The following NT5DC3 variants were observed in gnomAD, a reference collection of about 807,000 sequenced individuals.
NT5DC3 encodes 5'-nucleotidase domain-containing protein 3.
NT5DC3 carries 42 observed loss-of-function variants against 67.8 expected under a neutral mutation model. The observed-to-expected ratio is 0.62, with a 90% CI of 0.48 to 0.80. The LOEUF is 0.80. NT5DC3 is among the 30% of genes least tolerant of loss of function. NT5DC3 has a pLI of 0.00. For synonymous variants in NT5DC3, 237 were observed against 255.6 expected (o/e 0.93, Z 0.69); for missense variants, 570 against 696.4 (o/e 0.82, Z 2.04).
chr12:103,831,525 GC>G (rs563976934), intron 1 of NT5DC3, among the ~76,000 whole-genome samples: 2 of 151,920 alleles, frequency 1.3e-5, no homozygotes, highest in Non-Finnish European at 2.9e-5. Context: ...TCCAAAACCT[GC>G]CCCCCCACAC....
intron 1 of NT5DC3, among the ~76,000 whole-genome samples, chr12:103,828,761 G>T (rs1887803206): frequency 6.8e-6 from 1 of 146,730 alleles, no homozygotes; most frequent in Non-Finnish European, 1.5e-5. Context: ...GCAGTGGTGT[G>T]ATCTCAGCTC....
In NT5DC3 at chr12:103,785,751, TAAAAAAAAAAA is replaced by T. The variant is rs201632707; in HGVS notation, c.1189-287_1189-277del. 5.3e-3 allele frequency: 1,955 copies of T among 365,688 alleles called. 3 individuals carry two copies. The highest frequency in any genetic ancestry group is 9.7e-3 in the Admixed American group (268 of 27,584). 22.7% of individuals were successfully genotyped at this position (365,688 alleles called of 1,614,324 possible). A position where few individuals can be genotyped will look rare whatever the true frequency, so the allele number is the denominator to read the frequency against. On this transcript the variant is annotated intron_variant, in intron 11 of 13. Coordinates refer to ENST00000392876, the MANE Select transcript of NT5DC3 (RefSeq NM_001031701.3). Reference sequence around the variant, plus strand: ...GTCTGGAATCATTAACCATGGTCTGTAAAAAAAAAAAAAAAAAAAAAAAAAAAAATGAGGTC... The same window carrying T: ...GTCTGGAATCATTAACCATGGTCTGTAAAAAAAAAAAAAAAAAATGAGGTC...
At chr12:103,813,436 C>G (rs140073266) in intron 2 of NT5DC3, among the ~76,000 whole-genome samples, 8 of 152,218 alleles carry the variant, frequency 5.3e-5, no homozygotes, top group Non-Finnish European at 1.2e-4. Flanking sequence ...GGCATAGTGG[C>G]AGAAGGGAAG....
At chr12:103,751,776 T>A in the NT5DC3 span, among the ~76,000 whole-genome samples, 2 of 152,080 alleles carry the variant, frequency 1.3e-5, no homozygotes, top group East Asian at 3.9e-4. Flanking sequence ...GACCATAGAG[T>A]GTGGTCCAGC....
At chr12:103,804,248 T>C (rs543156487) in intron 4 of NT5DC3, among the ~76,000 whole-genome samples, 24 of 152,224 alleles carry the variant, frequency 1.6e-4, no homozygotes, top group African/African-American at 5.3e-4. Context: ...AAGACATCAA[T>C]AGACAAGACA....
intron 1 of NT5DC3, among the ~76,000 whole-genome samples, chr12:103,823,034 A>G (rs1277178429): frequency 6.6e-6 from 1 of 152,146 alleles, no homozygotes; most frequent in Non-Finnish European, 1.5e-5. Flanking sequence ...TTAAAAGTTC[A>G]ATTGTATTGA....
At chr12:103,821,518 C>T (rs1417680874) in intron 1 of NT5DC3, among the ~76,000 whole-genome samples, 1 of 152,144 alleles carries the variant, frequency 6.6e-6, no homozygotes, top group Non-Finnish European at 1.5e-5. Context: ...TCTCTACAGC[C>T]AAAGTGAACC....
chr12:103,806,565 T>G (rs1042847102), intron 3 of NT5DC3, among the ~76,000 whole-genome samples, 188 bp from the exon 4 acceptor site: 19 of 152,174 alleles, frequency 1.2e-4, no homozygotes, highest in African/African-American at 4.3e-4. Context: ...ATGGCCTATC[T>G]GCAAAAGACA....
chr12:103,827,068 AC>A (rs1408691381), intron 1 of NT5DC3, among the ~76,000 whole-genome samples: 1 of 152,152 alleles, frequency 6.6e-6, no homozygotes, highest in Non-Finnish European at 1.5e-5. Flanking sequence ...ACATGGTGAA[AC>A]CCTGTCTCTA....
intron 4 of NT5DC3, among the ~76,000 whole-genome samples, chr12:103,800,915 G>A (rs1266019028): frequency 6.6e-6 from 1 of 152,142 alleles, no homozygotes; most frequent in Admixed American, 6.5e-5. Flanking sequence ...CCTATTTCCT[G>A]ATGTCACTGA....
At chr12:103,782,940 C>T (rs1331036930) in intron 12 of NT5DC3, among the ~76,000 whole-genome samples, 1 of 151,940 alleles carries the variant, frequency 6.6e-6, no homozygotes, top group African/African-American at 2.4e-5. Flanking sequence ...GAGCCAAGAT[C>T]GCGCCACTGC....
chr12:103,746,526 A>C, the NT5DC3 span: 3 of 1,450,542 alleles, frequency 2.1e-6, no homozygotes, highest in Non-Finnish European at 9.7e-7. Flanking sequence ...AGAGTCTTGG[A>C]AAGTCTCCTT....
the NT5DC3 span, among the ~76,000 whole-genome samples, chr12:103,761,003 C>CTGCT: frequency 4.1e-5 from 2 of 48,822 alleles, no homozygotes; most frequent in East Asian, 1.2e-3. Flanking sequence ...ATGGGGTTTG[C>CTGCT]TACTTCCTGG....
Position 103,797,165 on chromosome 12 carries a change from T to C in NT5DC3, c.616-134A>G, listed in dbSNP as rs571222591. On this transcript the variant is annotated intron_variant, in intron 5 of 13. Transcript: ENST00000392876. ...CATCATCAACACAAAAAAGGAAAGT[T>C]CTAATAATAAAAAAGGACAATGGGC... 422 of 954,732 alleles carry C rather than the reference T, an allele frequency of 4.4e-4. 1 individual carries two copies. Among genetic ancestry groups the C allele is most frequent in the Non-Finnish European group, 5.9e-4 (376 of 640,748 alleles). 59.1% of individuals were successfully genotyped at this position (954,732 alleles called of 1,614,324 possible).
intron 9 of NT5DC3, among the ~76,000 whole-genome samples, chr12:103,789,656 C>T (rs1016896184): frequency 1.3e-5 from 2 of 151,908 alleles, no homozygotes; most frequent in Admixed American, 6.6e-5. Flanking sequence ...TGGCTTTGTA[C>T]CTGAAATTAA....
chr12:103,746,476 G>A, the NT5DC3 span: 1 of 815,418 alleles, frequency 1.2e-6, no homozygotes, highest in South Asian at 1.6e-5. Flanking sequence ...CCATCTTCCT[G>A]CTGTACAGGG....
At chr12:103,822,375 C>A (rs1202986555) in intron 1 of NT5DC3, among the ~76,000 whole-genome samples, 1 of 152,014 alleles carries the variant, frequency 6.6e-6, no homozygotes, top group Non-Finnish European at 1.5e-5. Flanking sequence ...AAAATCCATA[C>A]AAAAGGAAAT....
the NT5DC3 span, chr12:103,746,652 C>T: frequency 1.2e-6 from 2 of 1,614,110 alleles, no homozygotes; most frequent in African/African-American, 1.3e-5. Flanking sequence ...GTAAGGAGAA[C>T]AACACGTGTG....
intron 1 of NT5DC3, among the ~76,000 whole-genome samples, chr12:103,818,979 A>G (rs1050795556): frequency 2.0e-5 from 3 of 152,240 alleles, no homozygotes; most frequent in Non-Finnish European, 4.4e-5. Context: ...AAGGAGGTTC[A>G]AACAGCCTGC....
Sources: allele counts gnomAD v4.1 joint callset (sites outside exome capture counted in the v4.1 genomes callset), GRCh38; gene constraint gnomAD v4.1.1; transcripts MANE v1.5; gene names NCBI Gene and HGNC (gene_info 2026-07-23, HGNC 2026-07-21).